Variants in SH3KBP1 observed in about 807,000 individuals in gnomAD.
The protein encoded by SH3KBP1 is SH3 domain-containing kinase-binding protein 1.
A neutral mutation model predicts 50.1 loss-of-function variants in SH3KBP1; 8 were observed. The observed-to-expected ratio is 0.16, with a 90% confidence interval of 0.09 to 0.29. The LOEUF (loss-of-function observed/expected upper bound fraction) is 0.29. Among genes scored for constraint, SH3KBP1 ranks in the 10% least tolerant of loss-of-function variants. The probability of loss-of-function intolerance (pLI) is 1.00; values close to 1 mark genes in which losing one functional copy is unlikely to be tolerated. For missense variants in SH3KBP1, 377 were observed against 535.2 expected (o/e 0.70, Z 2.92); for synonymous variants, 227 against 218.6 (o/e 1.04, Z -0.34).
At chrX:19,541,897 C>G (rs372652751) in intron 16 of SH3KBP1, 28 bp downstream of exon 16, 1 of 1,182,972 alleles carries the variant, frequency 8.5e-7, no homozygotes. Context: ...ACCTGGGTGA[C>G]GGCCCCCAAG....
intron 2 of SH3KBP1, among the ~76,000 whole-genome samples, chrX:19,749,279 A>G (rs2065002919): frequency 8.9e-6 from 1 of 112,374 alleles, no homozygotes. Flanking sequence ...CAGCAATTCC[A>G]CTTCTAGGTA....
chrX:19,832,449 T>C (rs1054943759), intron 2 of SH3KBP1, among the ~76,000 whole-genome samples: 1 of 111,563 alleles, frequency 9.0e-6, no homozygotes, highest in African/African-American at 3.3e-5. Context: ...TTAATACTCT[T>C]TCACAGGGTG....
intron 1 of SH3KBP1, among the ~76,000 whole-genome samples, chrX:19,838,886 C>CAAAAAAAAAAAAAA (rs1187740894): frequency 1.0e-4 from 3 of 29,817 alleles, no homozygotes; most frequent in East Asian, 9.1e-4. Context: ...AACTTTGTCT[C>CAAAAAAAAAAAAAA]AAAAAAAAAA....
intron 3 of SH3KBP1, among the ~76,000 whole-genome samples, chrX:19,729,392 G>A (rs2148757841): frequency 8.9e-6 from 1 of 112,468 alleles, no homozygotes; most frequent in East Asian, 2.8e-4. Context: ...TGGAAGGAGA[G>A]AGACTGATCC....
chrX:19,707,431 C>A (rs1021413356), intron 3 of SH3KBP1, among the ~76,000 whole-genome samples: 2 of 111,845 alleles, frequency 1.8e-5, no homozygotes, highest in East Asian at 5.6e-4. Flanking sequence ...ATAAAGTATC[C>A]TGGCCTTTTT....
intron 13 of SH3KBP1, among the ~76,000 whole-genome samples, chrX:19,554,313 T>C (rs1211419765): frequency 2.2e-5 from 2 of 90,318 alleles, no homozygotes; most frequent in East Asian, 6.3e-4. Flanking sequence ...TATTAAAATA[T>C]ACATCATATT....
chrX:19,737,938 A>C lies in SH3KBP1; in HGVS notation c.286+8380T>G, dbSNP rs192540475. Among the ~76,000 whole-genome samples, 49 of 112,461 alleles carry C rather than the reference A, an allele frequency of 4.4e-4. 1 individual carries two copies. Among genetic ancestry groups the C allele is most frequent in the Middle Eastern group, 9.2e-3 (2 of 218 alleles). On this transcript the variant is annotated intron_variant, in intron 3 of 17. Coordinates refer to ENST00000397821, the MANE Select transcript of SH3KBP1 (RefSeq NM_031892.3). ...TCTAACTCATGTTTTTTGACAGCGC[A>C]GGCTTAAGAAGCCTCGCCAGTCATT...
chrX:19,629,508 G>A (rs751055865), intron 8 of SH3KBP1, among the ~76,000 whole-genome samples: 12 of 111,473 alleles, frequency 1.1e-4, no homozygotes, highest in African/African-American at 3.3e-4. Flanking sequence ...CCTCCAGACC[G>A]GGTGCTATGG....
At chrX:19,570,318 G>A (rs1441519658) in intron 12 of SH3KBP1, among the ~76,000 whole-genome samples, 1 of 111,989 alleles carries the variant, frequency 8.9e-6, no homozygotes, top group Non-Finnish European at 1.9e-5. Context: ...AGGAGGTGGT[G>A]TTACACTTGA....
chrX:19,779,682 G>GT (rs1271812442), intron 2 of SH3KBP1, among the ~76,000 whole-genome samples: 1 of 103,937 alleles, frequency 9.6e-6, no homozygotes, highest in African/African-American at 3.5e-5. Context: ...GCAGTGTTTG[G>GT]TTTTTTGTTC....
chrX:19,840,272 A>C (rs2068184942), intron 1 of SH3KBP1, among the ~76,000 whole-genome samples: 1 of 111,927 alleles, frequency 8.9e-6, no homozygotes, highest in South Asian at 3.7e-4. Flanking sequence ...GTGGCTAATG[A>C]CTACTTGGAA....
At chrX:19,725,677 G>A (rs1397047184) in intron 3 of SH3KBP1, among the ~76,000 whole-genome samples, 6 of 110,929 alleles carry the variant, frequency 5.4e-5, no homozygotes, top group Non-Finnish European at 9.4e-5. Context: ...GGTCAGGGTG[G>A]TACAGTGAGA....
chrX:19,781,325 A>G (rs2147117253), intron 2 of SH3KBP1, among the ~76,000 whole-genome samples: 1 of 111,355 alleles, frequency 9.0e-6, no homozygotes, highest in East Asian at 2.8e-4. Flanking sequence ...TAAGTTTTAA[A>G]TAAAACTTTA....
At position 19,708,679 on chromosome X, in the gene SH3KBP1, C is replaced by T. The variant is rs185324930; in HGVS notation, c.287-1695G>A. Among the ~76,000 whole-genome samples the T allele has an allele frequency of 1.6e-3, 183 of 112,023 alleles. 1 individual carries two copies. The highest frequency in any genetic ancestry group is 2.9e-3 in the Non-Finnish European group (155 of 53,155). On this transcript the variant is annotated intron_variant, in intron 3 of 17. Transcript: ENST00000397821. ...AGCAAAGAAAGTCTAGATTACAAGG[C>T]AATCTTGGCATCCCACTCCTGACCC...
intron 1 of SH3KBP1, among the ~76,000 whole-genome samples, chrX:19,875,701 G>T (rs1351070761): frequency 1.8e-5 from 2 of 112,816 alleles, no homozygotes; most frequent in African/African-American, 6.5e-5. Flanking sequence ...GGAGACAGAA[G>T]CTCCGGTGGG....
chrX:19,786,776 A>T (rs2066359880), intron 2 of SH3KBP1, among the ~76,000 whole-genome samples: 1 of 111,975 alleles, frequency 8.9e-6, no homozygotes, highest in Non-Finnish European at 1.9e-5. Flanking sequence ...ACATTAGCAT[A>T]TCATACCCAC....
intron 13 of SH3KBP1, among the ~76,000 whole-genome samples, chrX:19,560,219 C>CAAA (rs149420282): frequency 9.8e-6 from 1 of 102,128 alleles, no homozygotes; most frequent in African/African-American, 3.5e-5. Context: ...ATCATTAAGC[C>CAAA]AAAAAAAAAA....
intron 2 of SH3KBP1, among the ~76,000 whole-genome samples, chrX:19,809,537 G>C (rs750445524): frequency 9.3e-6 from 1 of 107,932 alleles, no homozygotes; most frequent in South Asian, 3.9e-4. Context: ...AAGAAAGAAA[G>C]AAAAAAAAAG....
intron 2 of SH3KBP1, among the ~76,000 whole-genome samples, chrX:19,807,653 G>A (rs903045927): frequency 1.8e-5 from 2 of 111,910 alleles, no homozygotes; most frequent in African/African-American, 6.5e-5. Flanking sequence ...GTACTCTGTT[G>A]GAGTGTAAGC....
Sources: allele counts gnomAD v4.1 joint callset (sites outside exome capture counted in the v4.1 genomes callset), GRCh38; gene constraint gnomAD v4.1.1; transcripts MANE v1.5; gene names NCBI Gene and HGNC (gene_info 2026-07-23, HGNC 2026-07-21).